The following SHANK2 variants were observed in gnomAD, a reference collection of about 807,000 sequenced individuals.
The protein encoded by SHANK2 is SH3 and multiple ankyrin repeat domains 2, also known as SH3 and multiple ankyrin repeat domains protein 2.
Under a neutral mutation model 133.7 loss-of-function variants are expected in SHANK2, and 43 were observed. That is an observed-to-expected ratio of 0.32 (90% CI 0.25 to 0.41). The LOEUF is 0.41. SHANK2 is among the 10% of genes least tolerant of loss of function. SHANK2 has a pLI of 1.00. For missense variants in SHANK2, 1,994 were observed against 2,235.8 expected, an observed-to-expected ratio of 0.89 and a Z score of 2.18; for synonymous variants, 1,017 against 952.8, an observed-to-expected ratio of 1.07 and a Z score of -1.24.
chr11:71,198,605 C>T (rs182123842), intron 2 of SHANK2, among the ~76,000 whole-genome samples: 5 of 152,250 alleles, frequency 3.3e-5, no homozygotes, highest in South Asian at 2.1e-4. Context: ...CCGCAGACGC[C>T]GTCCCCTACC....
intron 2 of SHANK2, among the ~76,000 whole-genome samples, chr11:71,150,068 A>G (rs371015313): frequency 0.074 from 78 of 1,058 alleles, 1 homozygote; most frequent in African/African-American, 0.098. Context: ...GGGAGAGGAA[A>G]GGAGGGAGGG....
chr11:70,890,195 A>G (rs1555074358), intron 11 of SHANK2, among the ~76,000 whole-genome samples: 1 of 152,162 alleles, frequency 6.6e-6, no homozygotes, highest in Non-Finnish European at 1.5e-5. Flanking sequence ...GTCTGTGAAA[A>G]AGGTGCTCAA....
chr11:70,645,155 G>A (rs367950164), intron 17 of SHANK2, among the ~76,000 whole-genome samples: 1 of 152,154 alleles, frequency 6.6e-6, no homozygotes, highest in East Asian at 1.9e-4. Flanking sequence ...AGATTGCAGT[G>A]GGCCGAGATC....
chr11:70,800,008 A>G (rs1351071532), intron 13 of SHANK2, among the ~76,000 whole-genome samples: 1 of 151,914 alleles, frequency 6.6e-6, no homozygotes, highest in Non-Finnish European at 1.5e-5. Context: ...AGGAAGGAAA[A>G]TCTTTATATC....
chr11:70,902,745 G>A lies in SHANK2; in HGVS notation c.1108-6178C>T, dbSNP rs79870312. Among the ~76,000 whole-genome samples, 1,188 of 152,284 alleles carry A rather than the reference G, an allele frequency of 7.8e-3. 45 individuals are homozygous for A. The East Asian group carries it at 0.11, about 13-fold the overall frequency. ...GGAATGAAGCAATCATATCTGAGATGGGAACCTTTTGCTGGTGCTGACAAA... is the reference window on the plus strand; with the variant it reads ...GGAATGAAGCAATCATATCTGAGATAGGAACCTTTTGCTGGTGCTGACAAA... On this transcript the variant is annotated intron_variant, in intron 10 of 25. Coordinates refer to ENST00000601538, the MANE Select transcript of SHANK2 (RefSeq NM_012309.5).
chr11:70,575,095 C>T (rs1012880468), intron 17 of SHANK2, among the ~76,000 whole-genome samples: 1 of 152,108 alleles, frequency 6.6e-6, no homozygotes, highest in Non-Finnish European at 1.5e-5. Context: ...TCAAGCTGGG[C>T]CCTCCTTGCT....
chr11:71,139,584 C>G (rs1952514269), intron 3 of SHANK2, among the ~76,000 whole-genome samples: 1 of 152,206 alleles, frequency 6.6e-6, no homozygotes, highest in African/African-American at 2.4e-5. Context: ...CTTCCTCATT[C>G]ACACTCCCCC....
intron 11 of SHANK2, among the ~76,000 whole-genome samples, chr11:70,878,711 G>A (rs951566390): frequency 6.6e-6 from 1 of 152,160 alleles, no homozygotes; most frequent in Non-Finnish European, 1.5e-5. Flanking sequence ...TGCCATGAGA[G>A]GTGAACTTCC....
intron 15 of SHANK2, among the ~76,000 whole-genome samples, chr11:70,679,544 C>A (rs1457724452): frequency 6.6e-5 from 10 of 152,242 alleles, no homozygotes; most frequent in Non-Finnish European, 1.3e-4. Context: ...CTCCCCATGA[C>A]CAGTACAAAG....
chr11:70,602,159 T>C (rs11236784), intron 17 of SHANK2, among the ~76,000 whole-genome samples: 32,590 of 152,092 alleles, frequency 0.21, 4,099 homozygotes, highest in East Asian at 0.41. Flanking sequence ...GTGAACTGCC[T>C]ACTCCCATTT....
At chr11:70,684,066 G>A (rs1167181219) in intron 15 of SHANK2, among the ~76,000 whole-genome samples, 1 of 152,146 alleles carries the variant, frequency 6.6e-6, no homozygotes, top group Non-Finnish European at 1.5e-5. Flanking sequence ...TGACAGGCGT[G>A]AGCCACTGCA....
At chr11:70,694,880 T>A (rs748206755) in intron 15 of SHANK2, among the ~76,000 whole-genome samples, 1 of 152,072 alleles carries the variant, frequency 6.6e-6, no homozygotes, top group Non-Finnish European at 1.5e-5. Flanking sequence ...CCACCCTCCA[T>A]CCGTGCTGCC....
intron 14 of SHANK2, among the ~76,000 whole-genome samples, chr11:70,704,316 T>A (rs1945611991): frequency 6.6e-6 from 1 of 152,404 alleles, no homozygotes; most frequent in South Asian, 2.1e-4. Flanking sequence ...GATGCAGTAA[T>A]GCATTTAATA....
At chr11:70,729,686 G>T (rs989003887) in intron 14 of SHANK2, among the ~76,000 whole-genome samples, 1 of 151,316 alleles carries the variant, frequency 6.6e-6, no homozygotes, top group African/African-American at 2.4e-5. Flanking sequence ...TACCACACCC[G>T]GCTAATTTTT....
In SHANK2 at chr11:71,175,544, G is replaced by C. The variant is rs1422257443; in HGVS notation, c.-12-28206C>G. 4.7e-5 allele frequency among the ~76,000 whole-genome samples: 1 copy of C among 21,342 alleles called. No individual in the cohort carries two copies. The highest frequency in any genetic ancestry group is 1.9e-4 in the Non-Finnish European group (1 of 5,376). The allele number at this position is 21,342 out of a possible 152,430, so 14.0% of individuals were successfully genotyped here. A position where few individuals can be genotyped will look rare whatever the true frequency, so the allele number is the denominator to read the frequency against. On this transcript the variant is annotated intron_variant, in intron 2 of 25. Transcript: ENST00000601538. This position sits in a 1 kb window ranked among gnomAD's most constrained non-coding sequence, Gnocchi z 4.2. ...AGACAGACAGACAGACAGAGGGAGA[G>C]GGAGAGGGAGAGAGAGAGAGAGAGA...
intron 9 of SHANK2, among the ~76,000 whole-genome samples, chr11:71,067,872 T>C (rs1427852791): frequency 2.0e-5 from 3 of 150,070 alleles, no homozygotes; most frequent in Non-Finnish European, 4.4e-5. Context: ...ACCATCACCA[T>C]CACCACCATC....
intron 17 of SHANK2, among the ~76,000 whole-genome samples, chr11:70,635,924 G>T (rs1033667980): frequency 6.6e-6 from 1 of 152,188 alleles, no homozygotes; most frequent in Admixed American, 6.5e-5. Context: ...GAAAGGCCCC[G>T]TAGGGCATGA....
intron 14 of SHANK2, among the ~76,000 whole-genome samples, chr11:70,797,299 T>A (rs535032012): frequency 6.6e-6 from 1 of 152,304 alleles, no homozygotes; most frequent in East Asian, 1.9e-4. Context: ...CCACCCAGCC[T>A]TCCGAGTGGA....
At chr11:70,948,195 G>A (rs1405003201) in intron 10 of SHANK2, 5 of 424,034 alleles carry the variant, frequency 1.2e-5, no homozygotes, top group African/African-American at 6.1e-5. Context: ...ACTCGCTTCC[G>A]CATTGCCAGC....
Sources: allele counts gnomAD v4.1 joint callset (sites outside exome capture counted in the v4.1 genomes callset), GRCh38; gene constraint gnomAD v4.1.1; non-coding constraint Gnocchi (gnomAD v3.1); transcripts MANE v1.5; gene names NCBI Gene and HGNC (gene_info 2026-07-23, HGNC 2026-07-21).